USP34: variants seen among roughly 807,000 people sequenced by gnomAD.
The protein encoded by USP34 is ubiquitin specific peptidase 34, also known as ubiquitin carboxyl-terminal hydrolase 34.
USP34 carries 70 observed loss-of-function variants against 460.3 expected under a neutral mutation model. The observed-to-expected ratio is 0.15, with a 90% CI of 0.13 to 0.19. The LOEUF (loss-of-function observed/expected upper bound fraction) is 0.19, where lower values mean the gene tolerates loss of function less well. Among genes scored for constraint, USP34 ranks in the 10% least tolerant of loss-of-function variants. USP34 has a pLI of 1.00. For missense variants in USP34, 3,985 were observed against 4,236.2 expected, an observed-to-expected ratio of 0.94 and a Z score of 1.65; for synonymous variants, 1,647 against 1,405.3, an observed-to-expected ratio of 1.17 and a Z score of -3.85.
Position 61,243,575 on chromosome 2 carries a change from TTTA to T in USP34, c.6627+1632_6627+1634del, listed in dbSNP as rs1203464324. 8.2e-3 allele frequency among the ~76,000 whole-genome samples: 1,043 copies of T among 127,514 alleles called. 2 individuals carry two copies. The highest frequency in any genetic ancestry group is 0.016 in the Middle Eastern group (4 of 256). The allele number at this position is 127,514 out of a possible 152,430, so 83.7% of individuals were successfully genotyped here. A position where few individuals can be genotyped will look rare whatever the true frequency, so the allele number is the denominator to read the frequency against. On this transcript the variant is annotated intron_variant, in intron 51 of 79. Coordinates refer to ENST00000398571, the MANE Select transcript of USP34 (RefSeq NM_014709.4). ...CTTCCTTCATTTTTTTTTTTTTTTT[TTTA>T]AAAGGAAACATTCGGCTGAGTACGG...
Position 61,188,003 on chromosome 2 carries a change from C to A in USP34, c.*99G>T, listed in dbSNP as rs957637366. On this transcript the variant is annotated 3_prime_UTR_variant, in exon 80 of 80. Coordinates refer to ENST00000398571, the MANE Select transcript of USP34 (RefSeq NM_014709.4). Reference sequence around the variant, plus strand: ...TATCTTGCCATTCAAGCAGAGAGCACTGGACAAACTGAAGCACAAAAACAA... The same window carrying A: ...TATCTTGCCATTCAAGCAGAGAGCAATGGACAAACTGAAGCACAAAAACAA... 7 of 1,507,124 alleles carry A rather than the reference C, an allele frequency of 4.6e-6. No homozygotes were observed. In the African/African-American group the frequency reaches 5.6e-5, roughly 12 times the overall value. The allele number at this position is 1,507,124 out of a possible 1,614,324, so 93.4% of individuals were successfully genotyped here.
chr2:61,430,468 G>A (rs543641556), intron 1 of USP34, among the ~76,000 whole-genome samples: 15 of 152,220 alleles, frequency 9.9e-5, no homozygotes, highest in East Asian at 3.9e-4. Context: ...CAGCAGTTAC[G>A]ACAATGCAGA....
At chr2:61,229,324 G>A (rs1045870038) in intron 59 of USP34, among the ~76,000 whole-genome samples, 4 of 151,600 alleles carry the variant, frequency 2.6e-5, no homozygotes, top group African/African-American at 9.7e-5. Context: ...AGGTTGTTAA[G>A]AAACTTAAAA....
In USP34 at chr2:61,206,874, A is replaced by G. The variant is rs1687134127; in HGVS notation, c.8932T>C (p.Leu2978=). Residue 2978 remains leucine, a synonymous_variant, in exon 71 of 80, where the codon TTG becomes CTG. Coordinates refer to ENST00000398571, the MANE Select transcript of USP34 (RefSeq NM_014709.4). ...LILMTESFNT[L]HMMYHEATAC... The stretch of plus-strand genomic sequence containing the variant: ...GTAGCTTCGTGATACATCATGTGCA[A>G]AGTGTTGAAAGACTACAAATGATTT... The G allele has an allele frequency of 2.5e-6, 4 of 1,604,312 alleles. No individual in the cohort carries two copies. The highest frequency in any genetic ancestry group is 3.4e-6 in the Non-Finnish European group (4 of 1,177,600).
At chr2:61,324,867 G>A (rs1240967585) in intron 21 of USP34, among the ~76,000 whole-genome samples, 1 of 152,052 alleles carries the variant, frequency 6.6e-6, no homozygotes, top group Admixed American at 6.6e-5. Context: ...TTATCTAAAT[G>A]TTGGTATAAT....
intron 10 of USP34, among the ~76,000 whole-genome samples, chr2:61,352,764 G>A (rs1181174931): frequency 6.6e-6 from 1 of 151,956 alleles, no homozygotes; most frequent in Admixed American, 6.6e-5. Flanking sequence ...AATGCGTGGT[G>A]GTGGCAGCAG....
At chr2:61,366,868 C>G (rs1692457335) in intron 10 of USP34, among the ~76,000 whole-genome samples, 1 of 152,060 alleles carries the variant, frequency 6.6e-6, no homozygotes, top group Non-Finnish European at 1.5e-5. Context: ...GGCAACAAGG[C>G]AAAGCCTCGT....
intron 1 of USP34, among the ~76,000 whole-genome samples, chr2:61,444,072 G>T (rs1264088231): frequency 1.3e-5 from 2 of 152,100 alleles, no homozygotes; most frequent in East Asian, 3.9e-4. Context: ...AACATACGGA[G>T]ACTTCATTGC....
In USP34 at chr2:61,370,383, A is replaced by C. The variant is rs1350958554; in HGVS notation, c.1189T>G (p.Phe397Val). The C allele has an allele frequency of 3.1e-6, 5 of 1,614,122 alleles. No homozygotes were observed. The highest frequency in any genetic ancestry group is 4.2e-6 in the Non-Finnish European group (5 of 1,179,990). ...IIKQCQVILN[F>V]LAAEGRLSTQ... is the part of the protein sequence containing the mutation. The stretch of plus-strand genomic sequence containing the variant: ...CTCAGTCGCCCTTCTGCTGCCAAAA[A>C]ATTCAAAATCACTTGGCACTGTTTG... Residue 397 changes from phenylalanine (F) to valine (V), a missense_variant, in exon 10 of 80, where the codon TTT (phenylalanine) becomes GTT (valine). Around this residue, in one of 14 missense-constraint regions of USP34, gnomAD observed 716 missense variants for 626.2 expected, o/e 1.14. Coordinates refer to ENST00000398571, the MANE Select transcript of USP34 (RefSeq NM_014709.4).
chr2:61,269,747 G>C (rs898365206), intron 41 of USP34, among the ~76,000 whole-genome samples: 2 of 151,928 alleles, frequency 1.3e-5, no homozygotes, highest in African/African-American at 4.8e-5. Flanking sequence ...GACATTATTT[G>C]ATCAAAACCT....
chr2:61,444,550 T>G (rs1373021301), intron 1 of USP34, among the ~76,000 whole-genome samples: 1 of 152,106 alleles, frequency 6.6e-6, no homozygotes, highest in Non-Finnish European at 1.5e-5. Flanking sequence ...TTTAAAAAAC[T>G]CACATTCAAG....
At chr2:61,246,250 A>T (rs1688414296) in intron 50 of USP34, 74 bp downstream of exon 50, 2 of 1,255,702 alleles carry the variant, frequency 1.6e-6, no homozygotes, top group Non-Finnish European at 2.1e-6. Flanking sequence ...AAGTTTTTAG[A>T]AAACTAAACA....
intron 27 of USP34, among the ~76,000 whole-genome samples, chr2:61,306,395 T>C (rs544811906): frequency 6.6e-6 from 1 of 152,312 alleles, no homozygotes; most frequent in African/African-American, 2.4e-5. Flanking sequence ...TGTGGTATTA[T>C]TTCTGAGGGT....
At chr2:61,423,019 A>G (rs2103977858) in intron 1 of USP34, among the ~76,000 whole-genome samples, 1 of 152,294 alleles carries the variant, frequency 6.6e-6, no homozygotes, top group East Asian at 1.9e-4. Context: ...ACAGAGTGAG[A>G]CCCCCTCTCA....
At chr2:61,447,232 G>A (rs1695145017) in intron 1 of USP34, among the ~76,000 whole-genome samples, 1 of 126,268 alleles carries the variant, frequency 7.9e-6, no homozygotes, top group Non-Finnish European at 1.6e-5. Context: ...TCCAGCCTGG[G>A]CAACAGAGTG....
At chr2:61,286,587 A>T (rs1689697099) in intron 34 of USP34, among the ~76,000 whole-genome samples, 1 of 152,104 alleles carries the variant, frequency 6.6e-6, no homozygotes, top group African/African-American at 2.4e-5. Flanking sequence ...CACGGGAGGC[A>T]GAGGTTGCAG....
intron 5 of USP34, among the ~76,000 whole-genome samples, chr2:61,386,507 T>G (rs547355399): frequency 6.6e-6 from 1 of 152,172 alleles, no homozygotes; most frequent in East Asian, 1.9e-4. Flanking sequence ...AACAACAACT[T>G]TGGCCGGGCA....
chr2:61,371,108 G>A (rs1692611419), intron 8 of USP34, among the ~76,000 whole-genome samples: 2 of 152,150 alleles, frequency 1.3e-5, no homozygotes, highest in African/African-American at 4.8e-5. Context: ...TTTGGTCAAT[G>A]GCAGACCAAA....
chr2:61,387,704 TA>T (rs369719461), intron 5 of USP34, among the ~76,000 whole-genome samples: 17 of 147,832 alleles, frequency 1.1e-4, no homozygotes, highest in South Asian at 4.2e-4. Context: ...TACACACATG[TA>T]AAAATATATT....
Sources: gnomAD v4.1 joint callset for allele counts (sites outside exome capture counted in the v4.1 genomes callset) on GRCh38, gnomAD v4.1.1 for gene constraint, gnomAD v4.1.1 regional missense constraint, MANE v1.5 for transcripts, NCBI Gene and HGNC (gene_info 2026-07-23, HGNC 2026-07-21) for gene names.